The following FYB1 variants were observed in gnomAD, a reference collection of about 807,000 sequenced individuals.
FYB1 encodes the protein FYN-binding protein 1.
A neutral mutation model predicts 94.1 loss-of-function variants in FYB1; 41 were observed. The observed-to-expected ratio is 0.44, with a 90% CI of 0.34 to 0.57. The LOEUF (loss-of-function observed/expected upper bound fraction) is 0.57, where lower values mean the gene tolerates loss of function less well. Among genes scored for constraint, FYB1 ranks in the 20% least tolerant of loss-of-function variants. FYB1 has a pLI of 0.02. For synonymous variants in FYB1, 367 were observed against 353.2 expected (o/e 1.04, Z -0.44); for missense variants, 1,050 against 976.8 (o/e 1.07, Z -1.00).
At position 39,266,281 on chromosome 5, in the gene FYB1, T is replaced by A. The variant is rs1299958025; in HGVS notation, c.-28+8122A>T. Among the ~76,000 whole-genome samples, 4 of 152,140 alleles carry A rather than the reference T, an allele frequency of 2.6e-5. No homozygotes were observed. The East Asian group carries it at 5.8e-4, about 22-fold the overall frequency. On this transcript the variant is annotated intron_variant, in intron 1 of 1. Coordinates refer to the FYB1 transcript ENST00000510188. ...ATGAATAAGGATGTAGGGGAACACCTAAGCCAACTCTGTATCTTGACTGAG... is the reference window on the plus strand; with the variant it reads ...ATGAATAAGGATGTAGGGGAACACCAAAGCCAACTCTGTATCTTGACTGAG...
chr5:39,174,872 G>C (rs1745571659), intron 2 of FYB1, among the ~76,000 whole-genome samples: 1 of 152,182 alleles, frequency 6.6e-6, no homozygotes. Flanking sequence ...GAAGAGACTA[G>C]GCAAAATGCA....
rs565067733 is a variant in FYB1, at chr5:39,232,850, G to A, written c.-27-29863C>T. On this transcript the variant is annotated intron_variant, in intron 1 of 1. Transcript: ENST00000510188. ...TTTTGTTCTTGCGATAGTTTACTGA[G>A]AATGATGATTTCCAATTTCATCCAT... Among the ~76,000 whole-genome samples the A allele has an allele frequency of 3.3e-5, 5 of 151,938 alleles. No homozygotes were observed. In the East Asian group the frequency reaches 7.8e-4, roughly 24 times the overall value.
rs1741779260 is a variant in FYB1 at position 39,137,596 on chromosome 5, T to G, written c.1515+4A>C. The G allele has an allele frequency of 6.5e-7, 1 of 1,543,846 alleles. No individual in the cohort carries two copies. Reference sequence around the variant, plus strand: ...CTTTCACTCATTAGCAAGCAAGCCCTTACTTTAAATTTCTTCTTTATTTCT... The same window carrying G: ...CTTTCACTCATTAGCAAGCAAGCCCGTACTTTAAATTTCTTCTTTATTTCT... On this transcript the variant is annotated splice_donor_region_variant and intron_variant, in intron 7 of 18. Transcript: ENST00000512982.
At chr5:39,244,975 T>C (rs1432849160) in intron 1 of FYB1, among the ~76,000 whole-genome samples, 7 of 152,208 alleles carry the variant, frequency 4.6e-5, no homozygotes, top group Admixed American at 4.6e-4. Context: ...TTCTGTGGGA[T>C]CGGTGGTGAT....
At chr5:39,249,157 T>A (rs575504993) in intron 1 of FYB1, among the ~76,000 whole-genome samples, 2 of 144,968 alleles carry the variant, frequency 1.4e-5, no homozygotes, top group East Asian at 4.0e-4. Context: ...ACTGCTGGAG[T>A]GTAAGGTTTA....
chr5:39,221,579 G>A (rs1286008068), upstream of FYB1, among the ~76,000 whole-genome samples: 1 of 152,248 alleles, frequency 6.6e-6, no homozygotes, highest in Non-Finnish European at 1.5e-5. Context: ...GGGCAGAAGA[G>A]TTGAGGAAGA....
At position 39,119,612 on chromosome 5, in the gene FYB1, CT is replaced by C; in HGVS notation, c.2160del (p.Ala721LeufsTer11). 2 of 1,543,614 alleles carry C rather than the reference CT, an allele frequency of 1.3e-6. No individual in the cohort carries two copies. The highest frequency in any genetic ancestry group is 1.2e-5 in the South Asian group (1 of 80,882). On this transcript the variant is annotated frameshift_variant, in exon 15 of 19. Transcript: ENST00000512982. LOFTEE classifies it high-confidence loss of function. The stretch of plus-strand genomic sequence containing the variant: ...TTAAGGTCCTTTTCTTCTGTCTTAG[CT>C]TTTCCAACATTAGTTCCTTGACTAG... ...AEMSQGTNVG[K>X]AKTEEKDLKK...
chr5:39,144,686 C>A (rs1489846262), intron 3 of FYB1, among the ~76,000 whole-genome samples: 2 of 152,094 alleles, frequency 1.3e-5, no homozygotes, highest in Non-Finnish European at 2.9e-5. Context: ...TCTGTAATCC[C>A]AGCTACCTGG....
At chr5:39,135,511 G>T (rs1392992417) in intron 7 of FYB1, among the ~76,000 whole-genome samples, 1 of 152,176 alleles carries the variant, frequency 6.6e-6, no homozygotes, top group Non-Finnish European at 1.5e-5. Context: ...GTTACACGAG[G>T]TTTTTCAAAT....
chr5:39,235,354 C>G (rs1381964326), intron 1 of FYB1, among the ~76,000 whole-genome samples: 1 of 151,784 alleles, frequency 6.6e-6, no homozygotes, highest in Non-Finnish European at 1.5e-5. Flanking sequence ...CATTTTTACC[C>G]TTTGGGCTTA....
intron 2 of FYB1, among the ~76,000 whole-genome samples, chr5:39,194,904 G>T (rs1413698756): frequency 6.6e-6 from 1 of 152,152 alleles, no homozygotes; most frequent in African/African-American, 2.4e-5. Flanking sequence ...GGATTAAGGA[G>T]GGTGGGTGGA....
intron 16 of FYB1, among the ~76,000 whole-genome samples, chr5:39,118,273 G>A (rs1739754090): frequency 6.6e-6 from 1 of 152,134 alleles, no homozygotes; most frequent in Non-Finnish European, 1.5e-5. Context: ...ATTTGGAATA[G>A]TATGTTGCAC....
At chr5:39,201,513 A>G (rs1748309186) in intron 2 of FYB1, among the ~76,000 whole-genome samples, 1 of 152,190 alleles carries the variant, frequency 6.6e-6, no homozygotes. Context: ...TTCAACAGAA[A>G]TGAAACCCAA....
intron 17 of FYB1, among the ~76,000 whole-genome samples, chr5:39,108,942 G>A (rs1198601412): frequency 6.6e-6 from 1 of 151,960 alleles, no homozygotes; most frequent in African/African-American, 2.4e-5. Flanking sequence ...CTATGTACCA[G>A]GAGACAAAAA....
chr5:39,165,851 T>C (rs1274545427), intron 2 of FYB1, among the ~76,000 whole-genome samples: 2 of 152,142 alleles, frequency 1.3e-5, no homozygotes, highest in Non-Finnish European at 2.9e-5. Flanking sequence ...AAGACACACA[T>C]GTGGCCAACA....
intron 16 of FYB1, among the ~76,000 whole-genome samples, chr5:39,113,076 C>T (rs890579233): frequency 6.6e-6 from 1 of 152,030 alleles, no homozygotes; most frequent in Non-Finnish European, 1.5e-5. Flanking sequence ...CTTTAAAAAT[C>T]TCAGCTAAAA....
At chr5:39,250,021 G>A (rs1453618032) in intron 1 of FYB1, among the ~76,000 whole-genome samples, 1 of 152,026 alleles carries the variant, frequency 6.6e-6, no homozygotes, top group African/African-American at 2.4e-5. Context: ...TTTTATAAGG[G>A]GCTCTTCTCC....
chr5:39,127,610 A>T, intron 11 of FYB1, 131 bp downstream of exon 11: 1 of 994,974 alleles, frequency 1.0e-6, no homozygotes, highest in Non-Finnish European at 1.4e-6. Context: ...GCTGTTAATT[A>T]AACATTCAAA....
Position 39,259,783 on chromosome 5 carries a change from A to C in FYB1, c.-28+14620T>G, listed in dbSNP as rs1752138405. On this transcript the variant is annotated intron_variant, in intron 1 of 1. Transcript: ENST00000510188. ...ATATTAGGCAGGAACGTGGGGGATAAGAGAAACAATTCCAAAAATTGGAAA... is the reference window on the plus strand; with the variant it reads ...ATATTAGGCAGGAACGTGGGGGATACGAGAAACAATTCCAAAAATTGGAAA... Among the ~76,000 whole-genome samples the C allele has an allele frequency of 2.0e-5, 3 of 152,244 alleles. No individual in the cohort carries two copies. The South Asian group carries it at 6.2e-4, about 31-fold the overall frequency.
Sources: allele counts gnomAD v4.1 joint callset (sites outside exome capture counted in the v4.1 genomes callset), GRCh38; gene constraint gnomAD v4.1.1; transcripts MANE v1.5; gene names NCBI Gene and HGNC (gene_info 2026-07-23, HGNC 2026-07-21).